Variants in DENND1A observed in about 807,000 individuals in gnomAD.
DENND1A encodes DENN domain containing 1A.
A neutral mutation model predicts 113.7 loss-of-function variants in DENND1A; 51 were observed. That is an observed-to-expected ratio of 0.45 (90% confidence interval 0.36 to 0.57). The LOEUF (loss-of-function observed/expected upper bound fraction) is 0.57. Among genes scored for constraint, DENND1A ranks in the 20% least tolerant of loss-of-function variants. The pLI, the probability that DENND1A is intolerant of heterozygous loss-of-function variation, is 0.00. For missense variants in DENND1A, 1,258 were observed against 1,395.9 expected, an observed-to-expected ratio of 0.90 and a Z score of 1.57; for synonymous variants, 565 against 570.8, an observed-to-expected ratio of 0.99 and a Z score of 0.14.
chr9:123,846,788 C>A (rs1439367849), intron 2 of DENND1A, among the ~76,000 whole-genome samples: 1 of 152,080 alleles, frequency 6.6e-6, no homozygotes, highest in African/African-American at 2.4e-5. Flanking sequence ...GTGATGGCTG[C>A]ACAACAGTGT....
intron 9 of DENND1A, among the ~76,000 whole-genome samples, chr9:123,646,263 T>C (rs1426546674): frequency 6.6e-6 from 1 of 152,168 alleles, no homozygotes; most frequent in East Asian, 1.9e-4. Context: ...CAAGTCCACC[T>C]GTTTTAGTGG....
intron 9 of DENND1A, among the ~76,000 whole-genome samples, chr9:123,644,318 G>C (rs770958918): frequency 9.8e-5 from 13 of 132,024 alleles, no homozygotes; most frequent in Non-Finnish European, 1.7e-4. Flanking sequence ...TCTACTTAAG[G>C]ATATTCTTAC....
At chr9:123,762,248 G>A (rs1331758970) in intron 4 of DENND1A, among the ~76,000 whole-genome samples, 1 of 152,218 alleles carries the variant, frequency 6.6e-6, no homozygotes, top group African/African-American at 2.4e-5. Context: ...CACATTTGAA[G>A]TTCTCCAGAA....
chr9:123,743,991 A>G (rs1206544259), intron 5 of DENND1A, among the ~76,000 whole-genome samples: 5 of 152,172 alleles, frequency 3.3e-5, no homozygotes, highest in Non-Finnish European at 7.4e-5. Flanking sequence ...CTATTTTGGT[A>G]GCTAAAGTAC....
chr9:123,853,455 G>A (rs1843679606), intron 2 of DENND1A, among the ~76,000 whole-genome samples: 1 of 151,744 alleles, frequency 6.6e-6, no homozygotes, highest in Admixed American at 6.6e-5. Flanking sequence ...CTTGAGTTCA[G>A]GAGTTCGAGA....
chr9:123,733,941 C>T (rs1293139688), intron 5 of DENND1A, among the ~76,000 whole-genome samples: 1 of 152,138 alleles, frequency 6.6e-6, no homozygotes, highest in African/African-American at 2.4e-5. Flanking sequence ...GCTGGTATTA[C>T]AGGCATGAGC....
intron 18 of DENND1A, among the ~76,000 whole-genome samples, chr9:123,441,776 T>G (rs1434249897): frequency 1.3e-5 from 2 of 152,236 alleles, no homozygotes; most frequent in African/African-American, 4.8e-5. Flanking sequence ...AATTATATAA[T>G]GAACACAAGT....
chr9:123,625,175 A>C (rs1218289199), intron 10 of DENND1A, among the ~76,000 whole-genome samples: 1 of 152,202 alleles, frequency 6.6e-6, no homozygotes, highest in Admixed American at 6.5e-5. Context: ...AGTATAATAC[A>C]TAACGTCTGT....
intron 2 of DENND1A, among the ~76,000 whole-genome samples, chr9:123,853,650 T>C (rs899073951): frequency 2.0e-5 from 3 of 151,998 alleles, no homozygotes; most frequent in Non-Finnish European, 4.4e-5. Context: ...GGTGACAGAG[T>C]GAGACTCTGT....
chr9:123,874,052 T>C (rs955113350), intron 2 of DENND1A, among the ~76,000 whole-genome samples: 1 of 152,102 alleles, frequency 6.6e-6, no homozygotes, highest in Admixed American at 6.5e-5. Context: ...TATCTATCCC[T>C]TAAAAGAAAA....
chr9:123,829,007 C>T lies in DENND1A; in HGVS notation c.89-36377G>A, dbSNP rs111817425. On this transcript the variant is annotated intron_variant, in intron 2 of 23. Transcript: ENST00000394215. ...TTCAGGAAAAGGCAGGAGAAGGGAACGGAGCCAGGCAAGATTAGGCCACAA... is the reference window on the plus strand; with the variant it reads ...TTCAGGAAAAGGCAGGAGAAGGGAATGGAGCCAGGCAAGATTAGGCCACAA... Among the ~76,000 whole-genome samples, 14 of 152,228 alleles carry T rather than the reference C, an allele frequency of 9.2e-5. 1 individual carries two copies. Among genetic ancestry groups the T allele is most frequent in the South Asian group, 2.1e-4 (1 of 4,820 alleles).
chr9:123,391,017 C>T (rs2042814410), intron 21 of DENND1A, among the ~76,000 whole-genome samples: 1 of 152,260 alleles, frequency 6.6e-6, no homozygotes, highest in African/African-American at 2.4e-5. Flanking sequence ...TGTGCCCTGG[C>T]TTTGCTAAAT....
chr9:123,876,038 A>G (rs1307464887), intron 2 of DENND1A, among the ~76,000 whole-genome samples: 2 of 152,200 alleles, frequency 1.3e-5, no homozygotes, highest in Non-Finnish European at 2.9e-5. Flanking sequence ...GTACTTTTTC[A>G]CAAATAACAG....
intron 5 of DENND1A, 61 bp from the exon 6 acceptor site, chr9:123,676,850 A>T (rs2140110603): frequency 6.7e-7 from 1 of 1,494,694 alleles, no homozygotes; most frequent in East Asian, 2.3e-5. Flanking sequence ...TTTAACCAGG[A>T]TCTAATTCAA....
intron 5 of DENND1A, among the ~76,000 whole-genome samples, chr9:123,690,178 A>ACCTGGTGTAT (rs2065102085): frequency 6.7e-6 from 1 of 150,208 alleles, no homozygotes; most frequent in African/African-American, 2.5e-5. Flanking sequence ...GAGGGAAAAC[A>ACCTGGTGTAT]AGGGGTATAC....
Position 123,382,525 on chromosome 9 carries a change from A to G in DENND1A, c.2120T>C (p.Met707Thr). The G allele has an allele frequency of 6.2e-7, 1 of 1,614,098 alleles. No individual in the cohort carries two copies. The highest frequency in any genetic ancestry group is 1.1e-5 in the South Asian group (1 of 91,086). The change falls in exon 24 of 24, where the codon ATG becomes ACG. Residue 707 changes from methionine to threonine, a missense_variant. Met to Thr is a moderately conservative substitution (Grantham distance 81). Around this residue, in one of 2 missense-constraint regions of DENND1A, gnomAD observed 1,159 missense variants for 1,231.7 expected, o/e 0.94. Coordinates refer to ENST00000394215, the MANE Select transcript of DENND1A (RefSeq NM_001352964.2). The part of the protein sequence containing the change: ...NKLWSLGQDD[M>T]AIPSKPPAAS... ...AGCTGGGGGCTTGCTGGGGATGGCC[A>G]TGTCGTCCTGGCCCAGGCTCCAGAG...
At chr9:123,733,271 G>A (rs917305460) in intron 5 of DENND1A, among the ~76,000 whole-genome samples, 4 of 149,620 alleles carry the variant, frequency 2.7e-5, no homozygotes, top group African/African-American at 9.9e-5. Context: ...GTGAGCCACC[G>A]CACCCGGCCA....
chr9:123,562,342 T>A (rs1430727599), intron 12 of DENND1A, among the ~76,000 whole-genome samples: 1 of 152,092 alleles, frequency 6.6e-6, no homozygotes, highest in East Asian at 1.9e-4. Flanking sequence ...TGAACATCTA[T>A]TCAGCCTCTG....
chr9:123,916,824 TTAAG>T (rs1855229414), intron 1 of DENND1A, among the ~76,000 whole-genome samples: 1 of 152,150 alleles, frequency 6.6e-6, no homozygotes, highest in Non-Finnish European at 1.5e-5. Context: ...TATAAATATT[TTAAG>T]TAATTGTTTT....
Sources: allele counts gnomAD v4.1 joint callset (sites outside exome capture counted in the v4.1 genomes callset), GRCh38; gene constraint gnomAD v4.1.1; regional missense constraint gnomAD v4.1.1; transcripts MANE v1.5; gene names NCBI Gene and HGNC (gene_info 2026-07-23, HGNC 2026-07-21).